Variants in CTIF observed in about 807,000 individuals in gnomAD.
The protein encoded by CTIF is cap binding complex dependent translation initiation factor.
CTIF carries 21 observed loss-of-function variants against 66.0 expected under a neutral mutation model. The ratio of observed to expected loss-of-function variants is 0.32; its 90% CI spans 0.23 to 0.46. The LOEUF (loss-of-function observed/expected upper bound fraction) is 0.46. CTIF is among the 20% of genes least tolerant of loss of function. CTIF has a pLI of 1.00. For missense variants in CTIF, 739 were observed against 812.7 expected (o/e 0.91, Z 1.10); for synonymous variants, 345 against 326.4 (o/e 1.06, Z -0.62).
chr18:48,595,665 G>A (rs368180860), intron 1 of CTIF, among the ~76,000 whole-genome samples: 2 of 152,186 alleles, frequency 1.3e-5, no homozygotes, highest in Admixed American at 6.5e-5. Flanking sequence ...GGACTCAAGC[G>A]ATCCTCCCAC....
At chr18:48,644,161 G>A (rs1263447617) in intron 3 of CTIF, among the ~76,000 whole-genome samples, 2 of 152,160 alleles carry the variant, frequency 1.3e-5, no homozygotes, top group Non-Finnish European at 2.9e-5. Context: ...ATGAGGAATT[G>A]CCTTTGCTGT....
intron 6 of CTIF, among the ~76,000 whole-genome samples, chr18:48,671,075 T>A (rs2091526042): frequency 6.6e-6 from 1 of 152,204 alleles, no homozygotes; most frequent in Admixed American, 6.5e-5. Context: ...AGGTGAAGTG[T>A]CCTGTGGTGT....
chr18:48,718,706 C>T (rs1327470671), intron 7 of CTIF, among the ~76,000 whole-genome samples: 1 of 152,130 alleles, frequency 6.6e-6, no homozygotes, highest in African/African-American at 2.4e-5. Context: ...ATAGACACAC[C>T]TAGAAATAAT....
intron 10 of CTIF, among the ~76,000 whole-genome samples, chr18:48,837,452 G>A (rs964845202): frequency 1.3e-5 from 2 of 152,092 alleles, no homozygotes; most frequent in African/African-American, 2.4e-5. Context: ...CTGGGAGCTG[G>A]GGAGGGCTGA....
intron 1 of CTIF, among the ~76,000 whole-genome samples, chr18:48,563,751 C>T (rs1424512381): frequency 1.3e-5 from 2 of 152,208 alleles, no homozygotes; most frequent in Admixed American, 6.5e-5. Context: ...GGATTACAGG[C>T]GTGAGCCACC....
chr18:48,546,222 A>G (rs1317545033), intron 1 of CTIF, among the ~76,000 whole-genome samples: 3 of 152,118 alleles, frequency 2.0e-5, no homozygotes, highest in African/African-American at 7.2e-5. Context: ...GCCATACTTC[A>G]TTTTTATAGA....
At chr18:48,807,754 G>A (rs2068180179) in intron 9 of CTIF, among the ~76,000 whole-genome samples, 2 of 151,776 alleles carry the variant, frequency 1.3e-5, no homozygotes, top group South Asian at 2.1e-4. Context: ...TAATTTTTTT[G>A]TATTTTTAGT....
intron 6 of CTIF, among the ~76,000 whole-genome samples, chr18:48,694,057 T>G (rs959874893): frequency 6.6e-6 from 1 of 152,250 alleles, no homozygotes; most frequent in East Asian, 1.9e-4. Flanking sequence ...CTGGTGGCTG[T>G]GCTGACAATA....
chr18:48,595,197 G>A (rs1401075500), intron 1 of CTIF, among the ~76,000 whole-genome samples: 1 of 152,160 alleles, frequency 6.6e-6, no homozygotes, highest in East Asian at 1.9e-4. Flanking sequence ...CTATCCTTGG[G>A]TAAGTCATAG....
Position 48,862,615 on chromosome 18 carries a change from T to C in CTIF, c.*3056T>C, listed in dbSNP as rs367872060. Reference sequence around the variant, plus strand: ...CACTGTTTGGGGATCGTCCTGTCCATCCATGTAAATGTAAATGTTGGCCGA... The same window carrying C: ...CACTGTTTGGGGATCGTCCTGTCCACCCATGTAAATGTAAATGTTGGCCGA... On this transcript the variant is annotated 3_prime_UTR_variant, in exon 12 of 12. Transcript: ENST00000256413. 1.3e-5 allele frequency: 2 copies of C among 152,720 alleles called. No individual in the cohort carries two copies. The highest frequency in any genetic ancestry group is 1.9e-4 in the East Asian group (1 of 5,200). 9.5% of individuals were successfully genotyped at this position (152,720 alleles called of 1,614,324 possible).
At chr18:48,780,337 G>A (rs920402458) in intron 9 of CTIF, among the ~76,000 whole-genome samples, 12 of 152,288 alleles carry the variant, frequency 7.9e-5, no homozygotes, top group African/African-American at 2.9e-4. Flanking sequence ...CCCGGAGAAA[G>A]AGCCACCTTG....
intron 6 of CTIF, among the ~76,000 whole-genome samples, chr18:48,687,808 G>C (rs1015221635): frequency 6.6e-6 from 1 of 152,202 alleles, no homozygotes; most frequent in African/African-American, 2.4e-5. Flanking sequence ...GGTAGTTGCT[G>C]GCACCTCTGT....
intron 9 of CTIF, among the ~76,000 whole-genome samples, chr18:48,806,909 C>T (rs545844185): frequency 6.6e-6 from 1 of 152,096 alleles, no homozygotes; most frequent in African/African-American, 2.4e-5. Context: ...TAAATGGTAG[C>T]CTTAAAGTTT....
chr18:48,619,706 T>C lies in CTIF; in HGVS notation c.141T>C (p.Gly47=). The C allele has an allele frequency of 6.2e-7, 1 of 1,605,180 alleles. No homozygotes were observed. The highest frequency in any genetic ancestry group is 1.1e-5 in the South Asian group (1 of 88,930). The change falls in exon 2 of 12, where the codon GGT becomes GGC. Residue 47 remains glycine (G), a synonymous_variant. Coordinates refer to ENST00000256413, the MANE Select transcript of CTIF (RefSeq NM_014772.3). ...VQGLLADKTE[G]DGESERTQSH... ...GGCTGCTGGCTGACAAGACGGAGGGTGATGGCGAGAGCGAGAGGACCCAGT... is the reference window on the plus strand; with the variant it reads ...GGCTGCTGGCTGACAAGACGGAGGGCGATGGCGAGAGCGAGAGGACCCAGT...
At chr18:48,783,282 A>C (rs539405824) in intron 9 of CTIF, among the ~76,000 whole-genome samples, 3 of 152,272 alleles carry the variant, frequency 2.0e-5, no homozygotes, top group Non-Finnish European at 4.4e-5. Context: ...TTATGTATGG[A>C]ATGACTTGAA....
chr18:48,834,052 C>T lies in CTIF; in HGVS notation c.1527+16676C>T, dbSNP rs146931050. Among the ~76,000 whole-genome samples, 17 of 152,194 alleles carry T rather than the reference C, an allele frequency of 1.1e-4. No individual in the cohort carries two copies. The East Asian group carries it at 2.7e-3, about 24-fold the overall frequency. On this transcript the variant is annotated intron_variant, in intron 10 of 11. Coordinates refer to ENST00000256413, the MANE Select transcript of CTIF (RefSeq NM_014772.3). ...CCTCCTTTCCCCTCCCCTCCCCTCC[C>T]GTTCTCTTCCTTTCCCTTCTCTCTG... is the stretch of plus-strand genomic sequence containing the variant.
intron 9 of CTIF, among the ~76,000 whole-genome samples, chr18:48,815,702 A>G (rs116485929): frequency 0.01 from 1,578 of 152,294 alleles, 33 homozygotes; most frequent in African/African-American, 0.035. Context: ...ATCACTCACA[A>G]GGGACAGATG....
chr18:48,727,797 A>G (rs1162084874), intron 7 of CTIF, among the ~76,000 whole-genome samples: 1 of 152,204 alleles, frequency 6.6e-6, no homozygotes, highest in African/African-American at 2.4e-5. Context: ...TAAGATCTTG[A>G]CAAAGACTTC....
chr18:48,609,188 A>C (rs1181152397), intron 1 of CTIF, among the ~76,000 whole-genome samples: 1 of 152,160 alleles, frequency 6.6e-6, no homozygotes, highest in Non-Finnish European at 1.5e-5. Context: ...AGCCAGACTG[A>C]GGCCCAAGGA....
Sources: gnomAD v4.1 joint callset for allele counts (sites outside exome capture counted in the v4.1 genomes callset) on GRCh38, gnomAD v4.1.1 for gene constraint, MANE v1.5 for transcripts, NCBI Gene and HGNC (gene_info 2026-07-23, HGNC 2026-07-21) for gene names.